GPC6: variants seen among roughly 807,000 people sequenced by gnomAD.
The protein encoded by GPC6 is glypican 6.
In GPC6, 14 loss-of-function variants were observed where a neutral mutation model predicts 55.2. The observed-to-expected ratio is 0.25, with a 90% confidence interval of 0.17 to 0.40. The LOEUF (loss-of-function observed/expected upper bound fraction) is 0.40. Among genes scored for constraint, GPC6 ranks in the 10% least tolerant of loss-of-function variants. The probability of loss-of-function intolerance (pLI) is 1.00; values close to 1 mark genes in which losing one functional copy is unlikely to be tolerated. For missense variants in GPC6, 641 were observed against 708.5 expected, an observed-to-expected ratio of 0.90 and a Z score of 1.08; for synonymous variants, 278 against 259.6, an observed-to-expected ratio of 1.07 and a Z score of -0.68.
At chr13:93,306,630 A>G (rs1878866604) in intron 1 of GPC6, among the ~76,000 whole-genome samples, 1 of 152,140 alleles carries the variant, frequency 6.6e-6, no homozygotes, top group Non-Finnish European at 1.5e-5. Flanking sequence ...CTTCAAATAA[A>G]TCCTATATCC....
intron 3 of GPC6, among the ~76,000 whole-genome samples, chr13:93,852,210 A>G (rs545508150): frequency 6.6e-6 from 1 of 151,896 alleles, no homozygotes; most frequent in South Asian, 2.1e-4. Flanking sequence ...GGCATTGGCA[A>G]ACAAAGGAAC....
chr13:94,182,942 TTTTTA>T, intron 4 of GPC6, among the ~76,000 whole-genome samples: 1 of 151,990 alleles, frequency 6.6e-6, no homozygotes, highest in South Asian at 2.1e-4. Flanking sequence ...TGCTCAGCTA[TTTTTA>T]TTTTATTTTT....
At chr13:93,693,620 G>A (rs768085310) in intron 2 of GPC6, among the ~76,000 whole-genome samples, 3 of 151,778 alleles carry the variant, frequency 2.0e-5, no homozygotes, top group Non-Finnish European at 2.9e-5. Flanking sequence ...CTGGGACTAC[G>A]GGCATGCACT....
intron 4 of GPC6, among the ~76,000 whole-genome samples, chr13:94,139,399 G>A (rs1887295241): frequency 1.3e-5 from 2 of 152,298 alleles, no homozygotes; most frequent in South Asian, 4.1e-4. Context: ...TTAATATCCA[G>A]TTCCCCCACC....
chr13:93,979,028 A>G (rs765853083), intron 3 of GPC6, among the ~76,000 whole-genome samples: 12 of 152,146 alleles, frequency 7.9e-5, no homozygotes, highest in Non-Finnish European at 1.8e-4. Context: ...ATAGAATGTT[A>G]TAGGAAGTGC....
At chr13:93,249,966 A>G (rs9589693) in intron 1 of GPC6, among the ~76,000 whole-genome samples, 4,162 of 152,204 alleles carry the variant, frequency 0.027, 191 homozygotes, top group African/African-American at 0.095. Context: ...AGGAGAAAAC[A>G]TTTTAGTCTG....
intron 2 of GPC6, among the ~76,000 whole-genome samples, chr13:93,816,648 AT>A (rs1460131851): frequency 6.6e-6 from 1 of 151,674 alleles, no homozygotes; most frequent in Non-Finnish European, 1.5e-5. Context: ...TATGAAAATA[AT>A]TTATAGCCAT....
intron 2 of GPC6, among the ~76,000 whole-genome samples, chr13:93,795,278 A>G (rs759694424): frequency 6.6e-6 from 1 of 152,202 alleles, no homozygotes; most frequent in Non-Finnish European, 1.5e-5. Flanking sequence ...GCAAGAATCA[A>G]TATTATTATC....
At chr13:94,183,057 C>T (rs999342905) in intron 4 of GPC6, among the ~76,000 whole-genome samples, 3 of 152,310 alleles carry the variant, frequency 2.0e-5, no homozygotes, top group Admixed American at 2.0e-4. Context: ...AGATTATAGG[C>T]GTGAGCCACT....
intron 2 of GPC6, among the ~76,000 whole-genome samples, chr13:93,823,232 T>C (rs1887118540): frequency 6.6e-6 from 1 of 152,072 alleles, no homozygotes; most frequent in African/African-American, 2.4e-5. Flanking sequence ...TATATAAATA[T>C]GAATTTATCC....
intron 3 of GPC6, among the ~76,000 whole-genome samples, chr13:93,958,443 T>TCTGG (rs1879612372): frequency 4.6e-5 from 7 of 152,206 alleles, no homozygotes; most frequent in African/African-American, 1.7e-4. Context: ...AACCATCTAT[T>TCTGG]GAGTAGGGAG....
rs150301316 is a variant in GPC6, at chr13:93,569,273, A to G, written c.319+23852A>G. 6.9e-3 allele frequency among the ~76,000 whole-genome samples: 1,050 copies of G among 152,270 alleles called. 5 individuals are homozygous for G. Among genetic ancestry groups the G allele is most frequent in the Middle Eastern group, 0.014 (4 of 294 alleles). ...CAACAATAAAAAAGAGGGTTAACAC[A>G]ATGTAACAGCACTTGTCTGATTCGT... On this transcript the variant is annotated intron_variant, in intron 2 of 8. Transcript: ENST00000377047.
chr13:94,266,838 A>G (rs918176334), intron 4 of GPC6, among the ~76,000 whole-genome samples: 1 of 152,188 alleles, frequency 6.6e-6, no homozygotes, highest in Non-Finnish European at 1.5e-5. Flanking sequence ...AGAAAATGAT[A>G]ATGCACTTTT....
At chr13:93,400,625 G>A (rs769277587) in intron 1 of GPC6, among the ~76,000 whole-genome samples, 9 of 152,092 alleles carry the variant, frequency 5.9e-5, no homozygotes, top group Admixed American at 1.3e-4. Flanking sequence ...TAACACAAAC[G>A]AATAACACTT....
intron 4 of GPC6, among the ~76,000 whole-genome samples, chr13:94,217,452 A>G (rs1353835297): frequency 2.6e-5 from 4 of 152,174 alleles, no homozygotes; most frequent in African/African-American, 7.2e-5. Flanking sequence ...ATGGGAATCT[A>G]TATGCTAATT....
chr13:94,073,418 C>G (rs1884804462), intron 4 of GPC6, among the ~76,000 whole-genome samples: 1 of 152,168 alleles, frequency 6.6e-6, no homozygotes, highest in Non-Finnish European at 1.5e-5. Flanking sequence ...AAAAATGGAG[C>G]TACCATAATG....
chr13:94,370,745 C>T (rs1004689102), intron 6 of GPC6, among the ~76,000 whole-genome samples: 4 of 151,916 alleles, frequency 2.6e-5, no homozygotes, highest in East Asian at 1.9e-4. Context: ...CAAAATATTC[C>T]GAATGATAAA....
chr13:93,631,625 G>A (rs1264766018), intron 2 of GPC6, among the ~76,000 whole-genome samples: 2 of 152,110 alleles, frequency 1.3e-5, no homozygotes, highest in African/African-American at 4.8e-5. Flanking sequence ...CCCTACAGTT[G>A]CCTTTTGTTT....
intron 1 of GPC6, among the ~76,000 whole-genome samples, chr13:93,401,049 A>G (rs1488556393): frequency 6.6e-6 from 1 of 152,156 alleles, no homozygotes; most frequent in African/African-American, 2.4e-5. Flanking sequence ...TCTGCATAGC[A>G]TTATTCAATA....
Sources: gnomAD v4.1 joint callset for allele counts (sites outside exome capture counted in the v4.1 genomes callset) on GRCh38, gnomAD v4.1.1 for gene constraint, MANE v1.5 for transcripts, NCBI Gene and HGNC (gene_info 2026-07-23, HGNC 2026-07-21) for gene names.